The following PCCA variants were observed in gnomAD, a reference collection of about 807,000 sequenced individuals.
PCCA encodes propionyl-CoA carboxylase alpha chain, mitochondrial.
Under a neutral mutation model 101.3 loss-of-function variants are expected in PCCA, and 74 were observed. That is an observed-to-expected ratio of 0.73 (90% CI 0.61 to 0.89). PCCA has a LOEUF of 0.89. PCCA is among the 40% of genes least tolerant of loss of function. The pLI, the probability that PCCA is intolerant of heterozygous loss-of-function variation, is 0.00. For synonymous variants in PCCA, 294 were observed against 313.6 expected (o/e 0.94, Z 0.66); for missense variants, 891 against 907.0 (o/e 0.98, Z 0.23).
intron 20 of PCCA, among the ~76,000 whole-genome samples, chr13:100,446,194 C>T (rs755554391): frequency 3.2e-4 from 48 of 152,200 alleles, no homozygotes; most frequent in South Asian, 4.1e-4. Context: ...CCTGCCACCA[C>T]GCCCGGCTAC....
chr13:100,349,750 G>T (rs1001246890), intron 18 of PCCA, among the ~76,000 whole-genome samples: 4 of 143,480 alleles, frequency 2.8e-5, no homozygotes, highest in African/African-American at 1.0e-4. Flanking sequence ...AGTGTACTTT[G>T]TGCTCAGGCT....
intron 19 of PCCA, among the ~76,000 whole-genome samples, chr13:100,375,606 T>A (rs2075854364): frequency 6.6e-6 from 1 of 152,126 alleles, no homozygotes; most frequent in Admixed American, 6.6e-5. Flanking sequence ...TTGATCCCTT[T>A]ACTACCAGGC....
At chr13:100,349,641 A>G (rs1272439844) in intron 18 of PCCA, among the ~76,000 whole-genome samples, 3 of 152,198 alleles carry the variant, frequency 2.0e-5, no homozygotes, top group Non-Finnish European at 4.4e-5. Flanking sequence ...AAAAGAAACA[A>G]CTTCACTATG....
chr13:100,522,765 C>A (rs2087411522), intron 22 of PCCA, among the ~76,000 whole-genome samples: 1 of 152,238 alleles, frequency 6.6e-6, no homozygotes, highest in East Asian at 1.9e-4. Context: ...TGGGAGACCA[C>A]AGCTGTTACT....
intron 7 of PCCA, among the ~76,000 whole-genome samples, chr13:100,216,201 C>T (rs1012958837): frequency 6.6e-6 from 1 of 151,712 alleles, no homozygotes; most frequent in African/African-American, 2.4e-5. Flanking sequence ...AAGGAAGTGG[C>T]AGGACAAGTC....
intron 6 of PCCA, among the ~76,000 whole-genome samples, chr13:100,205,288 C>T (rs1416027124): frequency 6.6e-6 from 1 of 152,176 alleles, no homozygotes; most frequent in African/African-American, 2.4e-5. Context: ...CATCACACTG[C>T]AGTTACCATA....
At chr13:100,483,740 G>T (rs1378199913) in intron 21 of PCCA, among the ~76,000 whole-genome samples, 1 of 152,164 alleles carries the variant, frequency 6.6e-6, no homozygotes, top group East Asian at 1.9e-4. Context: ...CATTTTAATT[G>T]TTGCCATTTC....
chr13:100,470,083 C>A (rs935243302), intron 21 of PCCA, among the ~76,000 whole-genome samples: 2 of 152,130 alleles, frequency 1.3e-5, no homozygotes, highest in African/African-American at 4.8e-5. Context: ...GTTCTTGCGT[C>A]GTTTCCACCT....
In PCCA at chr13:100,186,464, C is replaced by T. The variant is rs1035550898; in HGVS notation, c.469-22868C>T. Among the ~76,000 whole-genome samples the T allele has an allele frequency of 6.6e-5, 10 of 151,956 alleles. 1 individual carries two copies. The highest frequency in any genetic ancestry group is 4.2e-4 in the South Asian group (2 of 4,812). ...AATATGGAAAGTACAAAATAGGGGCCGGGCGTGGTGGCTCATGCCTGTAAT... is the reference window on the plus strand; with the variant it reads ...AATATGGAAAGTACAAAATAGGGGCTGGGCGTGGTGGCTCATGCCTGTAAT... On this transcript the variant is annotated intron_variant, in intron 6 of 23. Transcript: ENST00000376285.
chr13:100,402,378 AT>A (rs1388407321), intron 19 of PCCA, among the ~76,000 whole-genome samples: 2 of 152,100 alleles, frequency 1.3e-5, no homozygotes, highest in Non-Finnish European at 2.9e-5. Flanking sequence ...CAGTTTTTAT[AT>A]TTTAGTTTAA....
intron 6 of PCCA, among the ~76,000 whole-genome samples, chr13:100,193,893 T>C (rs984964124): frequency 1.3e-5 from 2 of 152,048 alleles, no homozygotes; most frequent in East Asian, 3.9e-4. Flanking sequence ...TCCTGGCTAA[T>C]ATGGTGAAAC....
At chr13:100,228,615 A>G (rs1316419988) in intron 7 of PCCA, among the ~76,000 whole-genome samples, 1 of 152,034 alleles carries the variant, frequency 6.6e-6, no homozygotes. Flanking sequence ...TAAAGAACAA[A>G]GGCTGGGCGC....
intron 12 of PCCA, among the ~76,000 whole-genome samples, chr13:100,285,278 G>C (rs970916323): frequency 6.6e-6 from 1 of 152,128 alleles, no homozygotes; most frequent in Admixed American, 6.6e-5. Flanking sequence ...GGAATCAGAG[G>C]CAGAAACAGC....
rs890200800 is a variant in PCCA at position 100,209,479 on chromosome 13, A to C, written c.600+16A>C. The C allele has an allele frequency of 5.6e-6, 9 of 1,606,258 alleles. No individual in the cohort carries two copies. The highest frequency in any genetic ancestry group is 7.7e-6 in the Non-Finnish European group (9 of 1,172,962). On this transcript the variant is annotated intron_variant, in intron 7 of 23. Transcript: ENST00000376285. The stretch of plus-strand genomic sequence containing the variant: ...AGTAGTCAAGGTGAGAAGCTACTTT[A>C]ACTTTTATTGTATATGTCTTCAAGT...
At chr13:100,474,504 G>C (rs2083274443) in intron 21 of PCCA, among the ~76,000 whole-genome samples, 1 of 149,402 alleles carries the variant, frequency 6.7e-6, no homozygotes, top group African/African-American at 2.5e-5. Flanking sequence ...CTCTCATATT[G>C]AGACAGGATC....
At chr13:100,223,803 G>GAT (rs1277083931) in intron 7 of PCCA, among the ~76,000 whole-genome samples, 1 of 152,180 alleles carries the variant, frequency 6.6e-6, no homozygotes, top group Non-Finnish European at 1.5e-5. Flanking sequence ...AGATTAGCTA[G>GAT]ATACAGAGTG....
intron 18 of PCCA, among the ~76,000 whole-genome samples, chr13:100,359,468 C>T (rs1232783779): frequency 6.6e-6 from 1 of 152,100 alleles, no homozygotes; most frequent in Non-Finnish European, 1.5e-5. Flanking sequence ...ATTGCTGGAA[C>T]TAACAAATTT....
chr13:100,497,478 T>A (rs981770074), intron 21 of PCCA, among the ~76,000 whole-genome samples: 13 of 151,440 alleles, frequency 8.6e-5, no homozygotes, highest in South Asian at 2.1e-4. Context: ...TTTTTTTTTT[T>A]AATTTTAGTG....
In PCCA at chr13:100,097,347, G is replaced by A. The variant is rs138770107; in HGVS notation, c.106-5536G>A. Among the ~76,000 whole-genome samples, 54 of 152,226 alleles carry A rather than the reference G, an allele frequency of 3.5e-4. No individual in the cohort carries two copies. In the East Asian group the frequency reaches 9.9e-3, roughly 28 times the overall value. ...AGCCATCATGGTTCCATGCCTTGTG[G>A]ATATACTAAAAACCACGGAGTTGTA... On this transcript the variant is annotated intron_variant, in intron 1 of 23. Transcript: ENST00000376285.
Sources: gnomAD v4.1 joint callset for allele counts (sites outside exome capture counted in the v4.1 genomes callset) on GRCh38, gnomAD v4.1.1 for gene constraint, MANE v1.5 for transcripts, NCBI Gene and HGNC (gene_info 2026-07-23, HGNC 2026-07-21) for gene names.